EFCAB8: variants seen among roughly 807,000 people sequenced by gnomAD.
The protein encoded by EFCAB8 is EF-hand calcium-binding domain-containing protein 8.
A neutral mutation model predicts 116.3 loss-of-function variants in EFCAB8; 100 were observed. The ratio of observed to expected loss-of-function variants is 0.86; its 90% confidence interval spans 0.73 to 1.02. EFCAB8 has a LOEUF of 1.02. Among genes scored for constraint, EFCAB8 ranks in the 50% least tolerant of loss-of-function variants. The pLI is 0.00. For missense variants in EFCAB8, 1,320 were observed against 1,416.9 expected, an observed-to-expected ratio of 0.93 and a Z score of 1.10; for synonymous variants, 558 against 567.9, an observed-to-expected ratio of 0.98 and a Z score of 0.25.
intron 13 of EFCAB8, among the ~76,000 whole-genome samples, chr20:32,907,588 C>G (rs1986736296): frequency 6.6e-6 from 1 of 152,214 alleles, no homozygotes; most frequent in Non-Finnish European, 1.5e-5. Flanking sequence ...TTCTGGAACT[C>G]TGGAGATGGA....
At chr20:32,860,775 C>CA (rs1047483129) in intron 1 of EFCAB8, among the ~76,000 whole-genome samples, 2 of 152,008 alleles carry the variant, frequency 1.3e-5, no homozygotes, top group African/African-American at 4.8e-5. Context: ...CTCATTCTCT[C>CA]ACCCAGGCCC....
intron 2 of EFCAB8, 148 bp downstream of exon 2, chr20:32,863,982 AT>A (rs372464707): frequency 0.1 from 67,173 of 651,450 alleles, 210 homozygotes; most frequent in South Asian, 0.16. Context: ...ACTTAAGTGT[AT>A]TTTTTTTTTT....
In EFCAB8 at chr20:32,911,587, C is replaced by T. The variant is rs1191872018; in HGVS notation, c.1665C>T (p.Ala555=). The change falls in exon 16 of 27, where the codon GCC becomes GCT. Residue 555 remains alanine, a synonymous_variant. Transcript: ENST00000400522. Reference sequence around the variant, plus strand: ...GGGGCCAGCACGTGGAGATGACCGCCATGGCCCTGGATGAGTCAGAGCGGT... The same window carrying T: ...GGGGCCAGCACGTGGAGATGACCGCTATGGCCCTGGATGAGTCAGAGCGGT... The part of the protein sequence containing the change: ...VSGGQHVEMT[A]MALDESERCL... 6.5e-7 allele frequency: 1 copy of T among 1,549,880 alleles called. No individual in the cohort carries two copies. The highest frequency in any genetic ancestry group is 1.4e-5 in the African/African-American group (1 of 73,026).
intron 17 of EFCAB8, among the ~76,000 whole-genome samples, chr20:32,914,155 C>T (rs1987075278): frequency 6.6e-6 from 1 of 152,252 alleles, no homozygotes; most frequent in Admixed American, 6.5e-5. Context: ...CTGCTGAGTG[C>T]AGTCCATGCT....
rs59681625 is a variant in EFCAB8 at position 32,960,092 on chromosome 20, G to A, written c.3324G>A (p.Lys1108=). 5.5e-3 allele frequency: 8,592 copies of A among 1,551,672 alleles called. 454 individuals carry two copies. In the African/African-American group the frequency reaches 0.1, roughly 19 times the overall value. Reference sequence around the variant, plus strand: ...GCAAAGTCTTGGGAGCGGCGTATAAGCCCAAGGAACGCTTGCAGAATACCA... The same window carrying A: ...GCAAAGTCTTGGGAGCGGCGTATAAACCCAAGGAACGCTTGCAGAATACCA... ...QVSKVLGAAY[K]PKERLQNTRF... is the part of the protein sequence containing the mutation. Residue 1108 remains lysine, a synonymous_variant, in exon 26 of 27, where the codon AAG becomes AAA. Coordinates refer to ENST00000400522, the MANE Select transcript of EFCAB8 (RefSeq NM_001143967.2).
At chr20:32,887,631 G>C (rs1348619059) in intron 6 of EFCAB8, among the ~76,000 whole-genome samples, 1 of 152,192 alleles carries the variant, frequency 6.6e-6, no homozygotes, top group East Asian at 1.9e-4. Context: ...CTCATCTCTG[G>C]TTCCTCTCCA....
At position 32,961,247 on chromosome 20, in the gene EFCAB8, G is replaced by A; in HGVS notation, c.3505G>A (p.Val1169Met). 1 of 1,551,618 alleles carries A rather than the reference G, an allele frequency of 6.4e-7. No individual in the cohort carries two copies. ...CCAGCAAGACCAGCACATCCGCCTGGTGGCCCACCATGTCCAGAAGGACCT... is the reference window on the plus strand; with the variant it reads ...CCAGCAAGACCAGCACATCCGCCTGATGGCCCACCATGTCCAGAAGGACCT... ...PDQQDQHIRLVAHHVQKDLVP... is the reference protein window; with the variant it reads ...PDQQDQHIRLMAHHVQKDLVP... Residue 1169 changes from valine to methionine, a missense_variant, in exon 27 of 27, where the codon GTG (valine) becomes ATG (methionine). Coordinates refer to ENST00000400522, the MANE Select transcript of EFCAB8 (RefSeq NM_001143967.2).
At chr20:32,861,905 T>A (rs1166361533) in intron 1 of EFCAB8, among the ~76,000 whole-genome samples, 1 of 145,174 alleles carries the variant, frequency 6.9e-6, no homozygotes, top group Non-Finnish European at 1.5e-5. Context: ...GCATATATTC[T>A]TAACAGAAAT....
At chr20:32,926,993 C>A (rs1288919907) in intron 20 of EFCAB8, among the ~76,000 whole-genome samples, 8 of 152,004 alleles carry the variant, frequency 5.3e-5, no homozygotes, top group Non-Finnish European at 1.2e-4. Context: ...GTCTTTATAG[C>A]AGCATGATTT....
At chr20:32,906,429 G>T in intron 11 of EFCAB8, 133 bp from the exon 12 acceptor site, 1 of 647,326 alleles carries the variant, frequency 1.5e-6, no homozygotes. Context: ...TCCTAGGATG[G>T]AGAGGTAGTG....
intron 23 of EFCAB8, among the ~76,000 whole-genome samples, chr20:32,950,011 AAACAACAAAACAACAACAAC>A (rs1568947982): frequency 9.5e-6 from 1 of 105,014 alleles, no homozygotes; most frequent in Non-Finnish European, 2.0e-5. Context: ...AAAACAAACA[AAACAACAAAACAACAACAAC>A]AACAACAAAA....
At chr20:32,877,202 T>A (rs1294539541) in intron 4 of EFCAB8, among the ~76,000 whole-genome samples, 1 of 133,704 alleles carries the variant, frequency 7.5e-6, no homozygotes, top group East Asian at 1.9e-4. Flanking sequence ...TTTATTTATT[T>A]CTTTCTTTTT....
intron 22 of EFCAB8, among the ~76,000 whole-genome samples, chr20:32,937,171 G>T (rs768346341): frequency 4.6e-5 from 7 of 151,512 alleles, no homozygotes; most frequent in Non-Finnish European, 8.8e-5. Context: ...GTAGAGACAG[G>T]GTTTCTCCAT....
chr20:32,953,807 T>A (rs1988873958), intron 23 of EFCAB8, among the ~76,000 whole-genome samples: 1 of 152,096 alleles, frequency 6.6e-6, no homozygotes, highest in Non-Finnish European at 1.5e-5. Context: ...TGATTGTGGT[T>A]TTTGTTTGTT....
chr20:32,959,597 A>G (rs1989076946), intron 24 of EFCAB8, among the ~76,000 whole-genome samples, 181 bp from the exon 25 acceptor site: 1 of 152,194 alleles, frequency 6.6e-6, no homozygotes, highest in African/African-American at 2.4e-5. Flanking sequence ...AGCTGGATCC[A>G]GGCTTTGCAA....
Position 32,867,729 on chromosome 20 carries a change from G to A in EFCAB8, c.190G>A (p.Asp64Asn). 6.4e-7 allele frequency: 1 copy of A among 1,551,542 alleles called. No homozygotes were observed. The highest frequency in any genetic ancestry group is 8.7e-7 in the Non-Finnish European group (1 of 1,146,994). The change falls in exon 3 of 27, where the codon GAC (aspartate) becomes AAC (asparagine). Residue 64 changes from aspartate (D) to asparagine (N), a missense_variant. Transcript: ENST00000400522. ...LAKIEKMFEE[D>N]INSTGALGMD... ...CAAGATAGAGAAAATGTTTGAGGAG[G>A]ACATCAACTCGACTGGAGGTAAGGC...
chr20:32,958,829 C>T (rs560425571), intron 24 of EFCAB8, among the ~76,000 whole-genome samples: 2 of 152,348 alleles, frequency 1.3e-5, no homozygotes, highest in Admixed American at 6.5e-5. Flanking sequence ...GGCCCTGTCC[C>T]CCAGCCAGGC....
Position 32,934,656 on chromosome 20 carries a change from G to T in EFCAB8, c.2790+3320G>T, listed in dbSNP as rs188750763. On this transcript the variant is annotated intron_variant, in intron 22 of 26. Transcript: ENST00000400522. ...GGACCTGGTGGGAGGTAATTGAATC[G>T]TGGGGGTGGGTTTTTCCCACCATTC... Among the ~76,000 whole-genome samples the T allele has an allele frequency of 9.1e-4, 139 of 152,274 alleles. 2 individuals are homozygous for T. In the Middle Eastern group the frequency reaches 0.01, roughly 11 times the overall value.
chr20:32,883,352 T>C lies in EFCAB8; in HGVS notation c.432-2153T>C, dbSNP rs549163169. The stretch of plus-strand genomic sequence containing the variant: ...CCAGTAGCTGTTGCCGGGAGGCGCT[T>C]ACAGGCTTTTGTCGTAAGCCCCAGG... On this transcript the variant is annotated intron_variant, in intron 5 of 26. Coordinates refer to ENST00000400522, the MANE Select transcript of EFCAB8 (RefSeq NM_001143967.2). Among the ~76,000 whole-genome samples, 11 of 152,316 alleles carry C rather than the reference T, an allele frequency of 7.2e-5. No individual in the cohort carries two copies. The East Asian group carries it at 2.1e-3, about 29-fold the overall frequency.
Sources: allele counts gnomAD v4.1 joint callset (sites outside exome capture counted in the v4.1 genomes callset), GRCh38; gene constraint gnomAD v4.1.1; transcripts MANE v1.5; gene names NCBI Gene and HGNC (gene_info 2026-07-23, HGNC 2026-07-21).